Variants in BICD1 observed in about 807,000 individuals in gnomAD.
BICD1 encodes protein bicaudal D homolog 1.
In BICD1, 35 loss-of-function variants were observed where a neutral mutation model predicts 92.5. The ratio of observed to expected loss-of-function variants is 0.38; its 90% CI spans 0.29 to 0.50. The LOEUF (loss-of-function observed/expected upper bound fraction) is 0.50. Among genes scored for constraint, BICD1 ranks in the 20% least tolerant of loss-of-function variants. BICD1 has a pLI of 0.93. For synonymous variants in BICD1, 429 were observed against 465.1 expected, an observed-to-expected ratio of 0.92 and a Z score of 1.00; for missense variants, 950 against 1,189.8, an observed-to-expected ratio of 0.80 and a Z score of 2.97.
chr12:32,197,162 C>T (rs34199263), intron 1 of BICD1, among the ~76,000 whole-genome samples: 50,174 of 151,822 alleles, frequency 0.33, 8,783 homozygotes, highest in Admixed American at 0.48. Flanking sequence ...GCATACTTCA[C>T]CATGCCCAAC....
chr12:32,347,078 A>G (rs2136298132), intron 8 of BICD1, among the ~76,000 whole-genome samples: 1 of 149,826 alleles, frequency 6.7e-6, no homozygotes, highest in South Asian at 2.1e-4. Flanking sequence ...CAGCCTCCCA[A>G]CTAGCTAGGA....
At chr12:32,239,101 G>T (rs1007662683) in intron 2 of BICD1, among the ~76,000 whole-genome samples, 2 of 150,398 alleles carry the variant, frequency 1.3e-5, no homozygotes, top group South Asian at 4.2e-4. Flanking sequence ...AAAAAAATTA[G>T]CTGGGCGTGG....
At chr12:32,212,055 C>T (rs1945230747) in intron 1 of BICD1, among the ~76,000 whole-genome samples, 1 of 152,198 alleles carries the variant, frequency 6.6e-6, no homozygotes, top group South Asian at 2.1e-4. Flanking sequence ...AGAGACTGAA[C>T]AAGCCAGGCA....
At chr12:32,346,432 G>A (rs1340103293) in intron 8 of BICD1, among the ~76,000 whole-genome samples, 3 of 147,246 alleles carry the variant, frequency 2.0e-5, no homozygotes, top group Non-Finnish European at 4.5e-5. Flanking sequence ...TGTGGGGATC[G>A]CTTGAGCCCA....
chr12:32,128,445 C>T (rs951204232), intron 1 of BICD1, among the ~76,000 whole-genome samples: 6 of 149,262 alleles, frequency 4.0e-5, no homozygotes, highest in African/African-American at 1.5e-4. Flanking sequence ...TCTCTATATA[C>T]ATAAATGGTC....
intron 4 of BICD1, among the ~76,000 whole-genome samples, chr12:32,318,813 C>T (rs530602401): frequency 6.6e-6 from 1 of 152,282 alleles, no homozygotes; most frequent in East Asian, 1.9e-4. Context: ...GAGATCGTGC[C>T]ATCGCACTCC....
At chr12:32,294,354 T>C (rs1040026071) in intron 3 of BICD1, among the ~76,000 whole-genome samples, 1 of 152,092 alleles carries the variant, frequency 6.6e-6, no homozygotes, top group Non-Finnish European at 1.5e-5. Flanking sequence ...TACACTAAAG[T>C]TTTATTGAAT....
chr12:32,219,017 G>A (rs577359139), intron 2 of BICD1, among the ~76,000 whole-genome samples: 2 of 152,136 alleles, frequency 1.3e-5, no homozygotes, highest in South Asian at 4.1e-4. Context: ...TTTCCTTTTA[G>A]GCTCAGTTTT....
At chr12:32,126,165 G>T (rs573399917) in intron 1 of BICD1, among the ~76,000 whole-genome samples, 28 of 152,074 alleles carry the variant, frequency 1.8e-4, no homozygotes, top group African/African-American at 6.7e-4. Context: ...TAGAGTAGAG[G>T]AAATAGGAGA....
chr12:32,123,872 G>A (rs561428132), intron 1 of BICD1, among the ~76,000 whole-genome samples: 1 of 149,148 alleles, frequency 6.7e-6, no homozygotes, highest in African/African-American at 2.5e-5. Context: ...GCAAGACTCC[G>A]TCTGAAAAGA....
At chr12:32,198,577 G>A (rs1944806090) in intron 1 of BICD1, among the ~76,000 whole-genome samples, 1 of 148,016 alleles carries the variant, frequency 6.8e-6, no homozygotes, top group Non-Finnish European at 1.5e-5. Context: ...GTGGTTGAGA[G>A]GTGCTTCCAA....
chr12:32,250,707 G>T (rs922176314), intron 2 of BICD1, among the ~76,000 whole-genome samples: 33 of 152,120 alleles, frequency 2.2e-4, no homozygotes, highest in African/African-American at 7.7e-4. Context: ...GAAGCCAGGC[G>T]CAGTGGCTCA....
At chr12:32,120,879 G>A (rs1942116758) in intron 1 of BICD1, among the ~76,000 whole-genome samples, 1 of 126,078 alleles carries the variant, frequency 7.9e-6, no homozygotes, top group Non-Finnish European at 1.6e-5. Flanking sequence ...GAGAGAGAGA[G>A]AGAGAGAGAG....
Position 32,190,794 on chromosome 12 carries a change from C to T in BICD1, c.214-25453C>T, listed in dbSNP as rs186695621. ...TCTCATCCAATAGCAGCAGAATACA[C>T]GTTTTTCTCAAGGACGCTTGGAACA... On this transcript the variant is annotated intron_variant, in intron 1 of 9. Transcript: ENST00000652176. Among the ~76,000 whole-genome samples, 332 of 152,210 alleles carry T rather than the reference C, an allele frequency of 2.2e-3. 3 individuals are homozygous for T. The Middle Eastern group carries it at 0.044, about 20-fold the overall frequency.
chr12:32,378,745 G>A lies in BICD1; in HGVS notation c.*1118G>A, dbSNP rs542907767. ...TGTTGTTGTTAGTTTTTTTCATAACGAATCTTCCTTGCCAAAAAAACAATA... is the reference window on the plus strand; with the variant it reads ...TGTTGTTGTTAGTTTTTTTCATAACAAATCTTCCTTGCCAAAAAAACAATA... On this transcript the variant is annotated 3_prime_UTR_variant, in exon 10 of 10. Coordinates refer to ENST00000652176, the MANE Select transcript of BICD1 (RefSeq NM_001714.4). The A allele has an allele frequency of 2.0e-5, 3 of 151,908 alleles. No homozygotes were observed. The highest frequency in any genetic ancestry group is 4.8e-5 in the African/African-American group (2 of 41,342). 9.4% of individuals were successfully genotyped at this position (151,908 alleles called of 1,614,324 possible).
At position 32,379,427 on chromosome 12, in the gene BICD1, C is replaced by T. The variant is rs1940106370; in HGVS notation, c.*1800C>T. The T allele has an allele frequency of 6.6e-6, 1 of 152,098 alleles. No homozygotes were observed. The highest frequency in any genetic ancestry group is 2.1e-4 in the South Asian group (1 of 4,802). The allele number at this position is 152,098 out of a possible 1,614,324, so 9.4% of individuals were successfully genotyped here. ...ACGTGGAGTAAAGAGTTGAAATCTT[C>T]ACCAAAATAAGGGTTCAGGTTAAAG... On this transcript the variant is annotated 3_prime_UTR_variant, in exon 10 of 10. Transcript: ENST00000652176.
intron 2 of BICD1, among the ~76,000 whole-genome samples, chr12:32,289,928 A>G (rs776965837): frequency 1.3e-5 from 2 of 152,212 alleles, no homozygotes; most frequent in Non-Finnish European, 2.9e-5. Context: ...CTATGTTGAC[A>G]CTTGTGACCT....
chr12:32,177,179 G>A (rs1210668083), intron 1 of BICD1, among the ~76,000 whole-genome samples: 1 of 151,708 alleles, frequency 6.6e-6, no homozygotes, highest in Non-Finnish European at 1.5e-5. Flanking sequence ...GCCAGGCGTG[G>A]TGGTGCGCAC....
intron 8 of BICD1, among the ~76,000 whole-genome samples, chr12:32,350,319 C>CA (rs1413975690): frequency 3.8e-4 from 57 of 151,740 alleles, no homozygotes; most frequent in South Asian, 6.3e-4. Context: ...CCTGTCTCTA[C>CA]AAAAAAAACA....
Sources: allele counts gnomAD v4.1 joint callset (sites outside exome capture counted in the v4.1 genomes callset), GRCh38; gene constraint gnomAD v4.1.1; transcripts MANE v1.5; gene names NCBI Gene and HGNC (gene_info 2026-07-23, HGNC 2026-07-21).